CYRIA: variants seen among roughly 807,000 people sequenced by gnomAD.
CYRIA encodes the protein CYFIP related Rac1 interactor A.
Under a neutral mutation model 43.9 loss-of-function variants are expected in CYRIA, and 15 were observed. The ratio of observed to expected loss-of-function variants is 0.34; its 90% confidence interval spans 0.23 to 0.53. CYRIA has a LOEUF of 0.53. Among genes scored for constraint, CYRIA ranks in the 20% least tolerant of loss-of-function variants. The pLI is 0.94. For missense variants in CYRIA, 236 were observed against 394.2 expected (o/e 0.60, Z 3.40); for synonymous variants, 117 against 136.0 (o/e 0.86, Z 0.97).
At position 16,588,367 on chromosome 2, in the gene CYRIA, G is replaced by C. The variant is rs111774732; in HGVS notation, c.-10-238C>G. Reference sequence around the variant, plus strand: ...CCTAAGCCATAAAAATTATGACAATGATAGAAGTGTTACAATCTCTCTCGA... The same window carrying C: ...CCTAAGCCATAAAAATTATGACAATCATAGAAGTGTTACAATCTCTCTCGA... On this transcript the variant is annotated intron_variant, in intron 2 of 11. Transcript: ENST00000381323. Among the ~76,000 whole-genome samples, 753 of 151,538 alleles carry C rather than the reference G, an allele frequency of 5.0e-3. 9 individuals are homozygous for C. The highest frequency in any genetic ancestry group is 0.016 in the African/African-American group (673 of 41,246).
rs556927247 is a variant in CYRIA, at chr2:16,613,787, TA to T, written c.-11+10076del. On this transcript the variant is annotated intron_variant, in intron 2 of 11. Transcript: ENST00000381323. The stretch of plus-strand genomic sequence containing the variant: ...TTCTAAACGTGATTCCACTCATTTG[TA>T]AAAAGTGTTTAAACTCACAGTTGTA... Among the ~76,000 whole-genome samples the T allele has an allele frequency of 3.4e-3, 521 of 152,376 alleles. 4 individuals carry two copies. The highest frequency in any genetic ancestry group is 0.012 in the African/African-American group (489 of 41,596).
chr2:16,563,190 T>C (rs527940536), intron 5 of CYRIA, among the ~76,000 whole-genome samples: 87 of 152,288 alleles, frequency 5.7e-4, no homozygotes, highest in Non-Finnish European at 1.0e-3. Context: ...TGAGGAAACA[T>C]AGAAAGAAGT....
chr2:16,593,803 G>T (rs1668019121), intron 2 of CYRIA, among the ~76,000 whole-genome samples: 1 of 136,666 alleles, frequency 7.3e-6, no homozygotes, highest in African/African-American at 2.8e-5. Flanking sequence ...GTATACATGT[G>T]CCATGCTGGT....
chr2:16,614,149 C>T (rs983360732), intron 2 of CYRIA, among the ~76,000 whole-genome samples: 1 of 152,148 alleles, frequency 6.6e-6, no homozygotes, highest in African/African-American at 2.4e-5. Context: ...TATTTTGAGT[C>T]AGAAAATACT....
intron 1 of CYRIA, among the ~76,000 whole-genome samples, chr2:16,639,594 C>T (rs1669611283): frequency 6.6e-6 from 1 of 152,256 alleles, no homozygotes; most frequent in African/African-American, 2.4e-5. Flanking sequence ...GGTTTCCAAC[C>T]ACTGCACAAT....
At position 16,586,336 on chromosome 2, in the gene CYRIA, T is replaced by G. The variant is rs143764117; in HGVS notation, c.70+1714A>C. Among the ~76,000 whole-genome samples, 11 of 152,238 alleles carry G rather than the reference T, an allele frequency of 7.2e-5. No individual in the cohort carries two copies. In the East Asian group the frequency reaches 2.1e-3, roughly 29 times the overall value. On this transcript the variant is annotated intron_variant, in intron 3 of 11. Transcript: ENST00000381323. Reference sequence around the variant, plus strand: ...GGTGGCAAGATATAGATAATTTGTTTTGCACATTTAAAAAAATTAATAAAC... The same window carrying G: ...GGTGGCAAGATATAGATAATTTGTTGTGCACATTTAAAAAAATTAATAAAC...
chr2:16,576,494 G>T (rs895977257), intron 3 of CYRIA, among the ~76,000 whole-genome samples: 2 of 152,190 alleles, frequency 1.3e-5, no homozygotes, highest in Admixed American at 1.3e-4. Context: ...ATTTCACCCT[G>T]TCTTGGAAAT....
intron 1 of CYRIA, among the ~76,000 whole-genome samples, chr2:16,624,756 T>C (rs982640594): frequency 3.3e-5 from 5 of 152,194 alleles, no homozygotes; most frequent in African/African-American, 7.2e-5. Context: ...AACCAAATCA[T>C]AGAAAATAGA....
chr2:16,560,594 C>A (rs996480276), intron 9 of CYRIA: 2 of 190,608 alleles, frequency 1.0e-5, no homozygotes, highest in South Asian at 1.1e-4. Context: ...AAGAGAGAGA[C>A]CTCCATTTTC....
At chr2:16,663,675 A>C (rs545496407) in intron 1 of CYRIA, among the ~76,000 whole-genome samples, 1 of 152,068 alleles carries the variant, frequency 6.6e-6, no homozygotes, top group Non-Finnish European at 1.5e-5. Flanking sequence ...CTGAGTAAAA[A>C]CAGGAAGTCA....
intron 1 of CYRIA, among the ~76,000 whole-genome samples, chr2:16,637,092 C>T (rs1162288671): frequency 6.6e-6 from 1 of 152,182 alleles, no homozygotes; most frequent in East Asian, 1.9e-4. Context: ...CTCACATCCA[C>T]ATCCCAGCAC....
intron 11 of CYRIA, among the ~76,000 whole-genome samples, chr2:16,554,823 G>A (rs564949655): frequency 6.6e-6 from 1 of 152,270 alleles, no homozygotes; most frequent in South Asian, 2.1e-4. Flanking sequence ...CTGGGTTCAG[G>A]TCCTAGCTTG....
In CYRIA at chr2:16,552,873, A is replaced by G; in HGVS notation, c.*63T>C. 9.7e-7 allele frequency: 1 copy of G among 1,034,476 alleles called. No homozygotes were observed. The highest frequency in any genetic ancestry group is 1.5e-6 in the Non-Finnish European group (1 of 652,888). The allele number at this position is 1,034,476 out of a possible 1,614,324, so 64.1% of individuals were successfully genotyped here. A position where few individuals can be genotyped will look rare whatever the true frequency, so the allele number is the denominator to read the frequency against. Reference sequence around the variant, plus strand: ...ACAAGTATTAACATCAATCTGTATTAAATTATGTAAACATATACATCTTCT... The same window carrying G: ...ACAAGTATTAACATCAATCTGTATTGAATTATGTAAACATATACATCTTCT... On this transcript the variant is annotated 3_prime_UTR_variant, in exon 12 of 12. Coordinates refer to ENST00000381323, the MANE Select transcript of CYRIA (RefSeq NM_030797.4).
chr2:16,626,800 G>A (rs1669182216), intron 1 of CYRIA, among the ~76,000 whole-genome samples: 1 of 152,182 alleles, frequency 6.6e-6, no homozygotes, highest in African/African-American at 2.4e-5. Context: ...GCCACAGGCG[G>A]CCCAGGCTAC....
chr2:16,629,565 G>A (rs1278299185), intron 1 of CYRIA, among the ~76,000 whole-genome samples: 1 of 152,170 alleles, frequency 6.6e-6, no homozygotes, highest in African/African-American at 2.4e-5. Context: ...GGACCTCGAG[G>A]CCAGGGATTT....
chr2:16,665,048 T>C (rs1358820924), intron 1 of CYRIA, among the ~76,000 whole-genome samples: 1 of 152,122 alleles, frequency 6.6e-6, no homozygotes, highest in Admixed American at 6.5e-5. Context: ...TAGGAGCAGC[T>C]TGGAGGAGGA....
chr2:16,567,736 T>C (rs1200999755), intron 3 of CYRIA, among the ~76,000 whole-genome samples: 1 of 152,164 alleles, frequency 6.6e-6, no homozygotes, highest in African/African-American at 2.4e-5. Context: ...CCTCATAGGT[T>C]ATCCAGAAAC....
chr2:16,570,187 C>G (rs1264281302), intron 3 of CYRIA, among the ~76,000 whole-genome samples: 3 of 152,068 alleles, frequency 2.0e-5, no homozygotes, highest in African/African-American at 7.2e-5. Context: ...ATGACAAGGT[C>G]TGGCTCTGTC....
intron 1 of CYRIA, among the ~76,000 whole-genome samples, chr2:16,625,502 T>G (rs1669134469): frequency 6.6e-6 from 1 of 152,040 alleles, no homozygotes; most frequent in Non-Finnish European, 1.5e-5. Context: ...GATTTCTGAG[T>G]GGACGTTAGT....
Sources: allele counts gnomAD v4.1 joint callset (sites outside exome capture counted in the v4.1 genomes callset), GRCh38; gene constraint gnomAD v4.1.1; transcripts MANE v1.5; gene names NCBI Gene and HGNC (gene_info 2026-07-23, HGNC 2026-07-21).